TOM1L2: variants seen among roughly 807,000 people sequenced by gnomAD.
TOM1L2 encodes the protein TOM1-like protein 2.
TOM1L2 carries 31 observed loss-of-function variants against 67.9 expected under a neutral mutation model. The ratio of observed to expected loss-of-function variants is 0.46; its 90% CI spans 0.34 to 0.62. The LOEUF (loss-of-function observed/expected upper bound fraction) is 0.62. Ranked by LOEUF, TOM1L2 falls within the 20% of genes least tolerant of loss-of-function variation. The probability of loss-of-function intolerance (pLI) is 0.01; values close to 1 mark genes in which losing one functional copy is unlikely to be tolerated. For synonymous variants in TOM1L2, 256 were observed against 254.0 expected, an observed-to-expected ratio of 1.01 and a Z score of -0.07; for missense variants, 606 against 663.5, an observed-to-expected ratio of 0.91 and a Z score of 0.95.
intron 9 of TOM1L2, 76 bp downstream of exon 9, chr17:17,866,800 A>G: frequency 1.5e-6 from 2 of 1,357,842 alleles, no homozygotes; most frequent in Non-Finnish European, 2.1e-6. Context: ...GAAAAACTGG[A>G]GGTCTCTCCA....
At chr17:17,871,716 C>A (rs557316338) in intron 7 of TOM1L2, among the ~76,000 whole-genome samples, 1 of 151,990 alleles carries the variant, frequency 6.6e-6, no homozygotes, top group Non-Finnish European at 1.5e-5. Context: ...TCTTGGTCCC[C>A]GCAAATTACC....
intron 1 of TOM1L2, among the ~76,000 whole-genome samples, chr17:17,946,637 T>C (rs536915512): frequency 6.6e-6 from 1 of 152,370 alleles, no homozygotes; most frequent in Middle Eastern, 3.4e-3. Context: ...CACAAGTTAC[T>C]GACCCTAAGC....
chr17:17,950,462 CTTT>C (rs1002265522), intron 1 of TOM1L2, among the ~76,000 whole-genome samples: 1 of 147,778 alleles, frequency 6.8e-6, no homozygotes, highest in Non-Finnish European at 1.5e-5. Context: ...CCTAGCCTCT[CTTT>C]TTTTTTTTTT....
chr17:17,906,520 G>C (rs777805495), intron 2 of TOM1L2, among the ~76,000 whole-genome samples: 3 of 152,076 alleles, frequency 2.0e-5, no homozygotes, highest in Non-Finnish European at 4.4e-5. Context: ...CATCTGACCA[G>C]GTTATATGTT....
At chr17:17,887,574 C>G (rs1332175467) in intron 4 of TOM1L2, among the ~76,000 whole-genome samples, 1 of 152,186 alleles carries the variant, frequency 6.6e-6, no homozygotes, top group East Asian at 1.9e-4. Flanking sequence ...CCTCCGGGCT[C>G]AAGCAATCCT....
intron 2 of TOM1L2, among the ~76,000 whole-genome samples, chr17:17,904,599 A>G (rs2039004293): frequency 6.6e-6 from 1 of 152,092 alleles, no homozygotes; most frequent in Non-Finnish European, 1.5e-5. Flanking sequence ...GCAAGGGAGC[A>G]ACTTGGTCGT....
intron 7 of TOM1L2, among the ~76,000 whole-genome samples, chr17:17,873,781 C>A (rs754887795): frequency 6.6e-5 from 10 of 152,186 alleles, no homozygotes; most frequent in Non-Finnish European, 1.3e-4. Flanking sequence ...AAGGGGGCTG[C>A]ATTCATGAGG....
Position 17,888,822 on chromosome 17 carries a change from T to A in TOM1L2, c.367-4054A>T, listed in dbSNP as rs1439107829. 3.9e-5 allele frequency among the ~76,000 whole-genome samples: 6 copies of A among 152,070 alleles called. No homozygotes were observed. In the East Asian group the frequency reaches 1.2e-3, roughly 29 times the overall value. On this transcript the variant is annotated intron_variant, in intron 4 of 14. Transcript: ENST00000379504. ...GGAAAGGCTCAGGGATGGCATAGAG[T>A]GGGAGCATCCTTTTTGTCTTCTCAA...
intron 1 of TOM1L2, among the ~76,000 whole-genome samples, chr17:17,922,755 T>C (rs2039928002): frequency 6.6e-6 from 1 of 152,230 alleles, no homozygotes; most frequent in Non-Finnish European, 1.5e-5. Context: ...GCAATAAATA[T>C]GAACCACAAT....
At chr17:17,854,823 T>C (rs973918562) in intron 12 of TOM1L2, among the ~76,000 whole-genome samples, 5 of 152,090 alleles carry the variant, frequency 3.3e-5, no homozygotes, top group African/African-American at 1.2e-4. Context: ...TGTGAGCCAC[T>C]GCACCCAGCC....
At chr17:17,963,127 G>T (rs1262613784) in intron 1 of TOM1L2, among the ~76,000 whole-genome samples, 1 of 152,076 alleles carries the variant, frequency 6.6e-6, no homozygotes, top group African/African-American at 2.4e-5. Context: ...ATGTGATGGT[G>T]CAAGTGTTCT....
At chr17:17,914,260 G>C (rs1358009199) in intron 1 of TOM1L2, among the ~76,000 whole-genome samples, 1 of 152,152 alleles carries the variant, frequency 6.6e-6, no homozygotes, top group Non-Finnish European at 1.5e-5. Context: ...TCTGTGTCTG[G>C]ATAAGCCATA....
At chr17:17,936,046 C>T (rs1164505309) in intron 1 of TOM1L2, among the ~76,000 whole-genome samples, 2 of 152,228 alleles carry the variant, frequency 1.3e-5, no homozygotes, top group African/African-American at 4.8e-5. Flanking sequence ...AGCTCCTTTA[C>T]GGTTTCCCAC....
chr17:17,875,559 G>A (rs2037382947), intron 7 of TOM1L2, among the ~76,000 whole-genome samples: 1 of 152,222 alleles, frequency 6.6e-6, no homozygotes, highest in Admixed American at 6.5e-5. Flanking sequence ...GACGACTTCA[G>A]CTTTGGCCTT....
intron 10 of TOM1L2, among the ~76,000 whole-genome samples, chr17:17,865,078 G>A (rs1453920976): frequency 3.3e-5 from 5 of 152,178 alleles, no homozygotes; most frequent in Non-Finnish European, 7.4e-5. Flanking sequence ...TTATAAATTG[G>A]TATCATCCAG....
At chr17:17,861,832 T>G (rs1046793515) in intron 11 of TOM1L2, 3 of 347,200 alleles carry the variant, frequency 8.6e-6, no homozygotes, top group Non-Finnish European at 1.6e-5. Flanking sequence ...GTAACAATAC[T>G]GAGCATCTCT....
rs569602190 is a variant in TOM1L2 at position 17,843,713 on chromosome 17, G to A, written c.*3922C>T. ...CTTCTAGGACGAGTGGACAGCAAAC[G>A]CGACATTCAACACATTCCTCTTTTC... On this transcript the variant is annotated 3_prime_UTR_variant, in exon 15 of 15. Transcript: ENST00000379504. 4 of 152,538 alleles carry A rather than the reference G, an allele frequency of 2.6e-5. No homozygotes were observed. Among genetic ancestry groups the A allele is most frequent in the African/African-American group, 4.8e-5 (2 of 41,554 alleles). The allele number at this position is 152,538 out of a possible 1,614,324, so 9.4% of individuals were successfully genotyped here.
rs886209868 is a variant in TOM1L2, at chr17:17,847,639, A to C, written c.1520T>G (p.Leu507Arg). ...PERSEDALFA[L>R] is the part of the protein sequence containing the mutation. Reference sequence around the variant, plus strand: ...GGAGGCAAACCACAGAGCTGCTCACAGGGCGAAGAGGGCATCCTCTGACCG... The same window carrying C: ...GGAGGCAAACCACAGAGCTGCTCACCGGGCGAAGAGGGCATCCTCTGACCG... The change falls in exon 15 of 15, where the codon CTG becomes CGG. Residue 507 changes from leucine (L) to arginine (R), a missense_variant. By Grantham distance (102) the Leu-to-Arg change is moderately radical. This residue lies in a region of TOM1L2 where 543 missense variants were observed against 554.0 expected (regional missense o/e 0.98). Transcript: ENST00000379504. 6.2e-6 allele frequency: 10 copies of C among 1,608,320 alleles called. No homozygotes were observed. Among genetic ancestry groups the C allele is most frequent in the Non-Finnish European group, 4.2e-6 (5 of 1,176,888 alleles).
At chr17:17,945,652 G>A (rs1194366975) in intron 1 of TOM1L2, among the ~76,000 whole-genome samples, 1 of 152,102 alleles carries the variant, frequency 6.6e-6, no homozygotes, top group Admixed American at 6.6e-5. Context: ...TATTTTGTGA[G>A]CAAAAGTGAC....
Sources: allele counts gnomAD v4.1 joint callset (sites outside exome capture counted in the v4.1 genomes callset), GRCh38; gene constraint gnomAD v4.1.1; regional missense constraint gnomAD v4.1.1; transcripts MANE v1.5; gene names NCBI Gene and HGNC (gene_info 2026-07-23, HGNC 2026-07-21).